Variants in IMMP2L observed in about 807,000 individuals in gnomAD.
IMMP2L encodes mitochondrial inner membrane protease subunit 2.
A neutral mutation model predicts 19.3 loss-of-function variants in IMMP2L; 18 were observed. The observed-to-expected ratio is 0.93, with a 90% CI of 0.64 to 1.38. The LOEUF is 1.38. Ranked by LOEUF, IMMP2L falls within the 40% of genes most tolerant of loss-of-function variation. The probability of loss-of-function intolerance (pLI) is 0.00; values close to 1 mark genes in which losing one functional copy is unlikely to be tolerated. For missense variants in IMMP2L, 233 were observed against 218.2 expected, an observed-to-expected ratio of 1.07 and a Z score of -0.43; for synonymous variants, 76 against 73.0, an observed-to-expected ratio of 1.04 and a Z score of -0.21.
chr7:111,319,193 T>C (rs1353837679), intron 3 of IMMP2L, among the ~76,000 whole-genome samples: 1 of 152,122 alleles, frequency 6.6e-6, no homozygotes, highest in African/African-American at 2.4e-5. Context: ...AAAAAAGTGC[T>C]GAGAGCATTC....
At chr7:110,958,214 G>C (rs1247897180) in intron 4 of IMMP2L, among the ~76,000 whole-genome samples, 3 of 151,992 alleles carry the variant, frequency 2.0e-5, no homozygotes, top group African/African-American at 4.8e-5. Flanking sequence ...GTGTTGATAA[G>C]AGTATAAACG....
chr7:111,289,975 C>T (rs146131045), intron 3 of IMMP2L, among the ~76,000 whole-genome samples: 85 of 152,042 alleles, frequency 5.6e-4, no homozygotes, highest in Admixed American at 4.5e-3. Flanking sequence ...TCTTAACATC[C>T]CCACCACAAA....
chr7:110,858,395 TAATCAA>T (rs1203573892), intron 5 of IMMP2L, among the ~76,000 whole-genome samples: 1 of 151,946 alleles, frequency 6.6e-6, no homozygotes, highest in Admixed American at 6.6e-5. Context: ...AACACTAATT[TAATCAA>T]ACTCCTTGGA....
chr7:111,010,502 A>G (rs1384034604), intron 3 of IMMP2L, among the ~76,000 whole-genome samples: 1 of 152,148 alleles, frequency 6.6e-6, no homozygotes, highest in East Asian at 1.9e-4. Flanking sequence ...GCAGGCAAAC[A>G]TGGATAGTTT....
intron 3 of IMMP2L, among the ~76,000 whole-genome samples, chr7:111,104,805 G>A (rs978487515): frequency 6.6e-6 from 1 of 151,702 alleles, no homozygotes; most frequent in Non-Finnish European, 1.5e-5. Context: ...ACCCAGCCTC[G>A]CATCTCATTG....
At chr7:111,215,784 T>C (rs1034059265) in intron 3 of IMMP2L, among the ~76,000 whole-genome samples, 1 of 152,162 alleles carries the variant, frequency 6.6e-6, no homozygotes, top group Non-Finnish European at 1.5e-5. Context: ...AACCTGAGGC[T>C]GGCTCTTACA....
At chr7:110,888,039 A>G (rs1426969556) in intron 4 of IMMP2L, among the ~76,000 whole-genome samples, 1 of 152,160 alleles carries the variant, frequency 6.6e-6, no homozygotes, top group African/African-American at 2.4e-5. Context: ...AATTTTCAAG[A>G]TAATTTCAGT....
chr7:110,794,454 C>T (rs1370522394), intron 5 of IMMP2L, among the ~76,000 whole-genome samples: 8 of 152,158 alleles, frequency 5.3e-5, no homozygotes, highest in African/African-American at 1.2e-4. Flanking sequence ...CACAAAACTA[C>T]GGAGACAGTT....
chr7:111,292,994 A>G (rs1821268528), intron 3 of IMMP2L, among the ~76,000 whole-genome samples: 2 of 152,030 alleles, frequency 1.3e-5, no homozygotes, highest in South Asian at 4.1e-4. Context: ...CAAAATAATA[A>G]GTCAAAAGAC....
intron 3 of IMMP2L, among the ~76,000 whole-genome samples, chr7:111,029,508 G>C (rs1228254050): frequency 6.6e-6 from 1 of 152,170 alleles, no homozygotes; most frequent in Admixed American, 6.5e-5. Context: ...GCTCTGACCA[G>C]AGAGGAATCA....
intron 3 of IMMP2L, among the ~76,000 whole-genome samples, chr7:110,972,577 G>GT (rs1820258108): frequency 6.6e-6 from 1 of 152,024 alleles, no homozygotes; most frequent in Non-Finnish European, 1.5e-5. Context: ...GAGAATGGAG[G>GT]TAAGTTAAGA....
intron 3 of IMMP2L, among the ~76,000 whole-genome samples, chr7:111,463,380 C>G (rs1187120929): frequency 2.6e-5 from 4 of 152,106 alleles, no homozygotes; most frequent in Non-Finnish European, 5.9e-5. Context: ...AAATCCATTC[C>G]CTGCTCCTTT....
chr7:110,742,793 T>C (rs538965425), intron 5 of IMMP2L, among the ~76,000 whole-genome samples: 27 of 150,686 alleles, frequency 1.8e-4, no homozygotes, highest in Non-Finnish European at 3.5e-4. Flanking sequence ...AAAAAATTTA[T>C]ACTTTCAGAG....
chr7:110,693,837 G>A (rs1482568994), intron 5 of IMMP2L, among the ~76,000 whole-genome samples: 1 of 152,086 alleles, frequency 6.6e-6, no homozygotes, highest in African/African-American at 2.4e-5. Flanking sequence ...GTTTTGTTTT[G>A]TTGTTGTTGT....
intron 3 of IMMP2L, among the ~76,000 whole-genome samples, chr7:110,983,030 C>G (rs1821467991): frequency 6.6e-6 from 1 of 152,014 alleles, no homozygotes; most frequent in Admixed American, 6.6e-5. Context: ...AAATATCCCA[C>G]TTATAATTTT....
chr7:111,113,035 A>G (rs1264003198), intron 3 of IMMP2L, among the ~76,000 whole-genome samples: 2 of 152,304 alleles, frequency 1.3e-5, no homozygotes, highest in Middle Eastern at 3.4e-3. Flanking sequence ...AATGAGAACC[A>G]TATTTTATTA....
At chr7:110,865,056 T>G (rs1343572900) in intron 5 of IMMP2L, among the ~76,000 whole-genome samples, 1 of 152,096 alleles carries the variant, frequency 6.6e-6, no homozygotes, top group Non-Finnish European at 1.5e-5. Flanking sequence ...ATTTAACTAT[T>G]CTTACCCACT....
intron 4 of IMMP2L, among the ~76,000 whole-genome samples, chr7:110,904,485 A>G (rs995705533): frequency 6.6e-5 from 10 of 152,180 alleles, no homozygotes; most frequent in African/African-American, 2.4e-4. Flanking sequence ...CAGTTTTCCC[A>G]ACACCATTTG....
At chr7:111,347,752 A>G (rs1207981019) in intron 3 of IMMP2L, among the ~76,000 whole-genome samples, 1 of 151,958 alleles carries the variant, frequency 6.6e-6, no homozygotes, top group Non-Finnish European at 1.5e-5. Context: ...AGAGAAAGGG[A>G]CAAAAGAAAA....
Sources: allele counts gnomAD v4.1 joint callset (sites outside exome capture counted in the v4.1 genomes callset), GRCh38; gene constraint gnomAD v4.1.1; transcripts MANE v1.5; gene names NCBI Gene and HGNC (gene_info 2026-07-23, HGNC 2026-07-21).